TMEM178B: variants seen among roughly 807,000 people sequenced by gnomAD.
TMEM178B encodes the protein transmembrane protein 178B.
In TMEM178B, 5 loss-of-function variants were observed where a neutral mutation model predicts 31.0. The ratio of observed to expected loss-of-function variants is 0.16; its 90% CI spans 0.08 to 0.34. The LOEUF (loss-of-function observed/expected upper bound fraction) is 0.34. Ranked by LOEUF, TMEM178B falls within the 10% of genes least tolerant of loss-of-function variation. The pLI, the probability that TMEM178B is intolerant of heterozygous loss-of-function variation, is 1.00. For missense variants in TMEM178B, 275 were observed against 400.3 expected (o/e 0.69, Z 2.67); for synonymous variants, 164 against 164.0 (o/e 1.00, Z 0.00).
intron 2 of TMEM178B, among the ~76,000 whole-genome samples, chr7:141,425,605 T>A (rs1168447557): frequency 6.6e-6 from 1 of 152,192 alleles, no homozygotes; most frequent in Admixed American, 6.5e-5. Context: ...GCCATTCTTG[T>A]GAGTTTTGGG....
intron 3 of TMEM178B, among the ~76,000 whole-genome samples, chr7:141,460,255 C>T (rs1340205828): frequency 6.6e-6 from 1 of 152,234 alleles, no homozygotes; most frequent in African/African-American, 2.4e-5. Flanking sequence ...TCTGAAGCCT[C>T]TCTCCTTTGA....
At chr7:141,178,033 G>C (rs1229183190) in intron 1 of TMEM178B, among the ~76,000 whole-genome samples, 1 of 152,184 alleles carries the variant, frequency 6.6e-6, no homozygotes, top group Non-Finnish European at 1.5e-5. Context: ...TTTCTTCATA[G>C]CATCGATGGC....
At chr7:141,207,868 G>A (rs1796990846) in intron 1 of TMEM178B, among the ~76,000 whole-genome samples, 2 of 152,194 alleles carry the variant, frequency 1.3e-5, no homozygotes, top group African/African-American at 4.8e-5. Flanking sequence ...ACCAGCCTGA[G>A]CAACATAGTG....
At chr7:141,187,909 G>A (rs187729610) in intron 1 of TMEM178B, among the ~76,000 whole-genome samples, 4,534 of 152,246 alleles carry the variant, frequency 0.03, 90 homozygotes, top group Non-Finnish European at 0.043. Context: ...TCACTCTGAT[G>A]ATAGTTTCTT....
At chr7:141,489,953 A>T in the TMEM178B span, among the ~76,000 whole-genome samples, 1 of 152,240 alleles carries the variant, frequency 6.6e-6, no homozygotes, top group African/African-American at 2.4e-5. Flanking sequence ...GCAAAGCTTA[A>T]TGCTTGCTCA....
At chr7:141,345,116 C>CAT (rs767633237) in intron 2 of TMEM178B, among the ~76,000 whole-genome samples, 2 of 152,138 alleles carry the variant, frequency 1.3e-5, no homozygotes, top group Non-Finnish European at 2.9e-5. Flanking sequence ...AGATATATTT[C>CAT]ATATATATTG....
At position 141,165,587 on chromosome 7, in the gene TMEM178B, C is replaced by T. The variant is rs376795760; in HGVS notation, c.383-47004C>T. ...GACCCTCTTGGTTAGAAGCAAGTCTCTCAGTTCAGCTCACACTCAAGGAAG... is the reference window on the plus strand; with the variant it reads ...GACCCTCTTGGTTAGAAGCAAGTCTTTCAGTTCAGCTCACACTCAAGGAAG... On this transcript the variant is annotated intron_variant, in intron 1 of 3. Coordinates refer to ENST00000565468, the MANE Select transcript of TMEM178B (RefSeq NM_001195278.2). Among the ~76,000 whole-genome samples, 65 of 152,338 alleles carry T rather than the reference C, an allele frequency of 4.3e-4. 1 individual carries two copies. The highest frequency in any genetic ancestry group is 1.6e-3 in the African/African-American group (65 of 41,568).
intron 2 of TMEM178B, among the ~76,000 whole-genome samples, chr7:141,354,159 A>G (rs943461458): frequency 3.3e-5 from 5 of 152,184 alleles, no homozygotes; most frequent in Non-Finnish European, 4.4e-5. Flanking sequence ...TGGGCTCCAC[A>G]GTTTATGGTC....
intron 2 of TMEM178B, among the ~76,000 whole-genome samples, chr7:141,359,724 C>T (rs1354034748): frequency 6.6e-6 from 1 of 152,124 alleles, no homozygotes; most frequent in African/African-American, 2.4e-5. Flanking sequence ...TCTTGAAATT[C>T]CTTCAGAACT....
intron 2 of TMEM178B, among the ~76,000 whole-genome samples, chr7:141,345,134 G>T (rs1799596651): frequency 1.3e-5 from 2 of 152,132 alleles, no homozygotes; most frequent in South Asian, 4.1e-4. Flanking sequence ...TTGCTACTTT[G>T]CTTGGGATAC....
intron 2 of TMEM178B, among the ~76,000 whole-genome samples, chr7:141,410,149 G>A (rs1204876155): frequency 6.6e-6 from 1 of 152,200 alleles, no homozygotes; most frequent in Non-Finnish European, 1.5e-5. Context: ...TGTAAAAAGG[G>A]GCATGTGTTT....
At chr7:141,218,152 A>G (rs1283014164) in intron 2 of TMEM178B, among the ~76,000 whole-genome samples, 1 of 152,044 alleles carries the variant, frequency 6.6e-6, no homozygotes, top group Non-Finnish European at 1.5e-5. Flanking sequence ...AGCTGAGCAC[A>G]TACCAGGACC....
intron 2 of TMEM178B, among the ~76,000 whole-genome samples, chr7:141,250,012 A>G (rs1296498483): frequency 6.6e-6 from 1 of 152,242 alleles, no homozygotes; most frequent in Non-Finnish European, 1.5e-5. Flanking sequence ...TTAAAGAAAT[A>G]AAACTCCCAA....
At chr7:141,182,107 GA>G (rs1402145452) in intron 1 of TMEM178B, among the ~76,000 whole-genome samples, 2 of 151,828 alleles carry the variant, frequency 1.3e-5, no homozygotes, top group Non-Finnish European at 2.9e-5. Flanking sequence ...CTTGAAACTA[GA>G]CCTATGAGAA....
At position 141,470,796 on chromosome 7, in the gene TMEM178B, C is replaced by A; in HGVS notation, c.*10C>A. On this transcript the variant is annotated 3_prime_UTR_variant, in exon 4 of 4. Transcript: ENST00000565468. ...TGGGACAGTGTGCTAAAAAACAAAC[C>A]CATACATACATATATATATATAAAT... is the stretch of plus-strand genomic sequence containing the variant. The A allele has an allele frequency of 7.2e-7, 1 of 1,392,970 alleles. No individual in the cohort carries two copies. Among genetic ancestry groups the A allele is most frequent in the Non-Finnish European group, 9.4e-7 (1 of 1,068,400 alleles). The allele number at this position is 1,392,970 out of a possible 1,614,324, so 86.3% of individuals were successfully genotyped here.
intron 1 of TMEM178B, among the ~76,000 whole-genome samples, chr7:141,194,996 G>A (rs1171444889): frequency 6.6e-6 from 1 of 152,204 alleles, no homozygotes; most frequent in Non-Finnish European, 1.5e-5. Flanking sequence ...GGGACACAGG[G>A]CACCAAGTCC....
chr7:141,339,626 T>C (rs1339902640), intron 2 of TMEM178B, among the ~76,000 whole-genome samples: 3 of 152,204 alleles, frequency 2.0e-5, no homozygotes, highest in Non-Finnish European at 4.4e-5. Context: ...TTCATGTGGT[T>C]CATGAAAGAA....
Position 141,435,366 on chromosome 7 carries a change from A to G in TMEM178B, c.497-2242A>G, listed in dbSNP as rs184234213. Among the ~76,000 whole-genome samples the G allele has an allele frequency of 8.0e-3, 1,216 of 152,200 alleles. 6 individuals are homozygous for G. Among genetic ancestry groups the G allele is most frequent in the Non-Finnish European group, 0.013 (854 of 68,004 alleles). On this transcript the variant is annotated intron_variant, in intron 2 of 3. Coordinates refer to ENST00000565468, the MANE Select transcript of TMEM178B (RefSeq NM_001195278.2). ...TGTTCTCTCTTTTCCTCTTCCCACC[A>G]CCTTTTGGCCCTTGAAGATGATGGG...
chr7:141,196,568 T>C (rs980708708), intron 1 of TMEM178B, among the ~76,000 whole-genome samples: 2 of 152,212 alleles, frequency 1.3e-5, no homozygotes, highest in African/African-American at 4.8e-5. Flanking sequence ...AATTCCATCT[T>C]GGCTTGGACT....
Sources: gnomAD v4.1 joint callset for allele counts (sites outside exome capture counted in the v4.1 genomes callset) on GRCh38, gnomAD v4.1.1 for gene constraint, MANE v1.5 for transcripts, NCBI Gene and HGNC (gene_info 2026-07-23, HGNC 2026-07-21) for gene names.